The following ENPP6 variants were observed in gnomAD, a reference collection of about 807,000 sequenced individuals.
The protein encoded by ENPP6 is ectonucleotide pyrophosphatase/phosphodiesterase 6.
In ENPP6, 32 loss-of-function variants were observed where a neutral mutation model predicts 42.0. The observed-to-expected ratio is 0.76, with a 90% CI of 0.58 to 1.02. The LOEUF is 1.02. ENPP6 is among the 50% of genes least tolerant of loss of function. The probability of loss-of-function intolerance (pLI) is 0.00; values close to 1 mark genes in which losing one functional copy is unlikely to be tolerated. For missense variants in ENPP6, 552 were observed against 566.8 expected, an observed-to-expected ratio of 0.97 and a Z score of 0.27; for synonymous variants, 213 against 216.0, an observed-to-expected ratio of 0.99 and a Z score of 0.12.
chr4:184,169,203 A>T (rs938838635), intron 1 of ENPP6, among the ~76,000 whole-genome samples: 3 of 152,108 alleles, frequency 2.0e-5, no homozygotes, highest in Admixed American at 6.5e-5. Flanking sequence ...CTCTGGGGAG[A>T]GGGCAAAGTG....
At chr4:184,150,405 G>A (rs1475439938) in intron 2 of ENPP6, among the ~76,000 whole-genome samples, 2 of 152,118 alleles carry the variant, frequency 1.3e-5, no homozygotes, top group African/African-American at 4.8e-5. Context: ...AGGCCTCACC[G>A]AGAGGTCTGT....
In ENPP6 at chr4:184,184,847, C is replaced by T. The variant is rs1401331559; in HGVS notation, c.242-31114G>A. Among the ~76,000 whole-genome samples, 1 of 151,920 alleles carries T rather than the reference C, an allele frequency of 6.6e-6. No homozygotes were observed. Among genetic ancestry groups the T allele is most frequent in the Non-Finnish European group, 1.5e-5 (1 of 67,976 alleles). The stretch of plus-strand genomic sequence containing the variant: ...AAACCCTTGATTTTGGACTTCTTGC[C>T]TCGAGAACCATGGCAGTCGATTCCT... On this transcript the variant is annotated intron_variant, in intron 1 of 7. Transcript: ENST00000296741. The surrounding 1 kb of genome is among the most constrained non-coding windows in gnomAD (Gnocchi z 4.7).
chr4:184,116,679 G>A (rs1736318545), intron 5 of ENPP6, among the ~76,000 whole-genome samples, 177 bp downstream of exon 5: 1 of 152,172 alleles, frequency 6.6e-6, no homozygotes, highest in Non-Finnish European at 1.5e-5. Context: ...GTTGCAGTGA[G>A]CCGAGATCGC....
At chr4:184,096,273 G>A (rs1239514883) in intron 7 of ENPP6, among the ~76,000 whole-genome samples, 1 of 152,212 alleles carries the variant, frequency 6.6e-6, no homozygotes, top group African/African-American at 2.4e-5. Flanking sequence ...GAAGAGATGA[G>A]CAGAGCTTGT....
At chr4:184,123,295 T>C (rs1399091825) in intron 3 of ENPP6, among the ~76,000 whole-genome samples, 1 of 152,156 alleles carries the variant, frequency 6.6e-6, no homozygotes, top group Non-Finnish European at 1.5e-5. Flanking sequence ...TAGTGCTCTG[T>C]ACACTGTGCC....
At chr4:184,210,774 C>T (rs893566937) in intron 1 of ENPP6, among the ~76,000 whole-genome samples, 1 of 151,960 alleles carries the variant, frequency 6.6e-6, no homozygotes, top group African/African-American at 2.4e-5. Flanking sequence ...CCCAAATCAA[C>T]AGAATATACA....
intron 1 of ENPP6, among the ~76,000 whole-genome samples, chr4:184,192,167 C>G (rs1177119325): frequency 3.3e-5 from 5 of 152,080 alleles, no homozygotes; most frequent in African/African-American, 4.8e-5. Flanking sequence ...CTTGGAATAG[C>G]CAAAACAATC....
intron 6 of ENPP6, among the ~76,000 whole-genome samples, chr4:184,101,745 T>A (rs1042582072): frequency 2.6e-5 from 4 of 152,166 alleles, no homozygotes; most frequent in African/African-American, 9.7e-5. Context: ...AGGTAACATC[T>A]TCACCCAGGG....
chr4:184,134,554 G>A (rs964511913), intron 2 of ENPP6, among the ~76,000 whole-genome samples: 24 of 151,974 alleles, frequency 1.6e-4, no homozygotes, highest in African/African-American at 5.8e-4. Flanking sequence ...GCTTTTTACG[G>A]TCTACAGGTT....
At position 184,117,026 on chromosome 4, in the gene ENPP6, G is replaced by T. The variant is rs1156893514; in HGVS notation, c.685C>A (p.Leu229Met). Residue 229 changes from leucine (L) to methionine (M), a missense_variant, in exon 5 of 8, where the codon CTG (leucine) becomes ATG (methionine). Leu to Met is a conservative substitution (Grantham distance 15). Coordinates refer to ENST00000296741, the MANE Select transcript of ENPP6 (RefSeq NM_153343.4). ...YMTKWIQERG[L>M]QDRLNVIIFS... ...ATAATGACGTTCAGGCGGTCCTGCA[G>T]GCCCCGCTCCTGTGGGGTGGGAAAA... The T allele has an allele frequency of 3.1e-6, 5 of 1,614,246 alleles. No individual in the cohort carries two copies. The South Asian group carries it at 3.3e-5, about 11-fold the overall frequency.
At chr4:184,159,357 A>G (rs1413099845) in intron 1 of ENPP6, among the ~76,000 whole-genome samples, 1 of 152,244 alleles carries the variant, frequency 6.6e-6, no homozygotes, top group Non-Finnish European at 1.5e-5. Flanking sequence ...AGTGGGACAC[A>G]GGGAGGCAAC....
In ENPP6 at chr4:184,090,810, A is replaced by C; in HGVS notation, c.*367T>G. ...CCTGGTCTGAGGGGGTCCTTTGTGCAAGGTGGGACAGAGAGGGGCCCAGAG... is the reference window on the plus strand; with the variant it reads ...CCTGGTCTGAGGGGGTCCTTTGTGCCAGGTGGGACAGAGAGGGGCCCAGAG... On this transcript the variant is annotated 3_prime_UTR_variant, in exon 8 of 8. Transcript: ENST00000296741. 1 of 394,484 alleles carries C rather than the reference A, an allele frequency of 2.5e-6. No homozygotes were observed. 24.4% of individuals were successfully genotyped at this position (394,484 alleles called of 1,614,324 possible).
intron 1 of ENPP6, among the ~76,000 whole-genome samples, chr4:184,208,497 G>C (rs183575513): frequency 2.8e-4 from 42 of 152,256 alleles, no homozygotes; most frequent in African/African-American, 9.6e-4. Context: ...CTGGAAAATC[G>C]GGTCACTCCC....
intron 6 of ENPP6, among the ~76,000 whole-genome samples, chr4:184,106,609 G>A (rs909493245): frequency 2.6e-5 from 4 of 152,126 alleles, no homozygotes; most frequent in Admixed American, 6.5e-5. Flanking sequence ...CCTTCTCAGA[G>A]AGGGCCCCCC....
intron 1 of ENPP6, among the ~76,000 whole-genome samples, chr4:184,210,171 G>A (rs1733084859): frequency 6.6e-6 from 1 of 150,642 alleles, no homozygotes; most frequent in African/African-American, 2.5e-5. Context: ...GGAAGAAACT[G>A]CATCAACTAA....
chr4:184,145,660 G>A (rs543735650), intron 2 of ENPP6, among the ~76,000 whole-genome samples: 46 of 152,330 alleles, frequency 3.0e-4, no homozygotes, highest in South Asian at 1.7e-3. Context: ...ATCAGTGAAC[G>A]GCATAGGCAG....
At chr4:184,185,827 T>TCTTAGA in intron 1 of ENPP6, among the ~76,000 whole-genome samples, 2 of 152,222 alleles carry the variant, frequency 1.3e-5, no homozygotes, top group Admixed American at 1.3e-4. Flanking sequence ...CTTGATTAGA[T>TCTTAGA]TTTAGATTTC....
intron 6 of ENPP6, among the ~76,000 whole-genome samples, chr4:184,098,420 C>T (rs140384548): frequency 6.6e-6 from 1 of 152,322 alleles, no homozygotes; most frequent in East Asian, 1.9e-4. Context: ...GCAAAGCAGC[C>T]GGACCCAGAA....
At chr4:184,152,370 C>T (rs1336211188) in intron 2 of ENPP6, among the ~76,000 whole-genome samples, 4 of 152,054 alleles carry the variant, frequency 2.6e-5, no homozygotes, top group Admixed American at 6.5e-5. Flanking sequence ...CTCTCCACTG[C>T]CCCCTCCCTG....
Sources: gnomAD v4.1 joint callset for allele counts (sites outside exome capture counted in the v4.1 genomes callset) on GRCh38, gnomAD v4.1.1 for gene constraint, Gnocchi (gnomAD v3.1) non-coding constraint, MANE v1.5 for transcripts, NCBI Gene and HGNC (gene_info 2026-07-23, HGNC 2026-07-21) for gene names.